DNAJA4: variants seen among roughly 807,000 people sequenced by gnomAD.
The protein encoded by DNAJA4 is dnaJ homolog subfamily A member 4.
DNAJA4 carries 32 observed loss-of-function variants against 39.7 expected under a neutral mutation model. The ratio of observed to expected loss-of-function variants is 0.81; its 90% CI spans 0.61 to 1.08. The LOEUF is 1.08. DNAJA4 is among the 50% of genes least tolerant of loss of function. DNAJA4 has a pLI of 0.00. For missense variants in DNAJA4, 439 were observed against 505.1 expected (o/e 0.87, Z 1.25); for synonymous variants, 184 against 182.4 (o/e 1.01, Z -0.07).
Position 78,281,933 on chromosome 15 carries a change from T to G in DNAJA4, c.*1473T>G, listed in dbSNP as rs1424386384. On this transcript the variant is annotated 3_prime_UTR_variant, in exon 7 of 7. Transcript: ENST00000394852. ...GCCCACCTGTGCCCACTTTGACCAT[T>G]GGTGAGGATAGATATAAAATCACTT... is the stretch of plus-strand genomic sequence containing the variant. 6.6e-6 allele frequency: 1 copy of G among 152,240 alleles called. No homozygotes were observed. The highest frequency in any genetic ancestry group is 1.5e-5 in the Non-Finnish European group (1 of 68,046). 9.4% of individuals were successfully genotyped at this position (152,240 alleles called of 1,614,324 possible).
rs887941803 is a variant in DNAJA4, at chr15:78,275,705, T to C, written c.854T>C (p.Ile285Thr). The C allele has an allele frequency of 1.2e-6, 2 of 1,611,062 alleles. No individual in the cohort carries two copies. Among genetic ancestry groups the C allele is most frequent in the Admixed American group, 3.3e-5 (2 of 59,982 alleles). Reference protein sequence around the residue: ...KKTIKTLDNRILVITSKAGEV... With the variant: ...KKTIKTLDNRTLVITSKAGEV... The stretch of plus-strand genomic sequence containing the variant: ...ACGATAAAAACATTGGACAATCGAA[T>C]TCTTGTTATTACATCCAAAGCAGGT... Residue 285 changes from isoleucine to threonine, a missense_variant, in exon 5 of 7, where the codon ATT (isoleucine) becomes ACT (threonine). Physicochemically the swap from Ile to Thr is moderately conservative, Grantham distance 89. Coordinates refer to ENST00000394852, the MANE Select transcript of DNAJA4 (RefSeq NM_001130182.2).
rs759379540 is a variant in DNAJA4, at chr15:78,264,787, T to C, written c.24T>C (p.Tyr8=). MVKETQY[Y]DILGVKPSAS... ...AGATGGTGAAGGAGACCCAGTACTATGACATCCTGGGCGTGAAGCCCAGCG... is the reference window on the plus strand; with the variant it reads ...AGATGGTGAAGGAGACCCAGTACTACGACATCCTGGGCGTGAAGCCCAGCG... Residue 8 remains tyrosine (Y), a synonymous_variant, in exon 1 of 7, where the codon TAT becomes TAC. Transcript: ENST00000394852. The C allele has an allele frequency of 6.8e-6, 11 of 1,607,462 alleles. No individual in the cohort carries two copies. The highest frequency in any genetic ancestry group is 8.5e-6 in the Non-Finnish European group (10 of 1,176,670).
At position 78,270,615 on chromosome 15, in the gene DNAJA4, C is replaced by T; in HGVS notation, c.251C>T (p.Ser84Leu). 6.2e-7 allele frequency: 1 copy of T among 1,614,236 alleles called. No homozygotes were observed. The highest frequency in any genetic ancestry group is 8.5e-7 in the Non-Finnish European group (1 of 1,180,046). Residue 84 changes from serine (S) to leucine (L), a missense_variant, in exon 2 of 7, where the codon TCA (serine) becomes TTA (leucine). Physicochemically the swap from Ser to Leu is moderately radical, Grantham distance 145. Transcript: ENST00000394852. ...GGCTCAGGCAGCCCCAGCTTCTCTT[C>T]ACCCATGGACATCTTTGACATGTTC... ...EGGSGSPSFS[S>L]PMDIFDMFFG...
intron 1 of DNAJA4, among the ~76,000 whole-genome samples, chr15:78,267,180 GAGTGTGTGTGTGAGTGTGTA>G (rs1567115097): frequency 1.7e-5 from 1 of 57,388 alleles, no homozygotes; most frequent in Non-Finnish European, 3.8e-5. Context: ...GTGAGTGTGT[GAGTGTGTGTGTGAGTGTGTA>G]TGTGAGTGTG....
chr15:78,277,886 G>A (rs1042506173), intron 5 of DNAJA4: 5 of 361,550 alleles, frequency 1.4e-5, no homozygotes, highest in African/African-American at 4.3e-5. Flanking sequence ...GAAACCTGCC[G>A]TTGGAGAGTT....
Position 78,270,323 on chromosome 15 carries a change from A to G in DNAJA4, c.133-174A>G. 3 of 621,352 alleles carry G rather than the reference A, an allele frequency of 4.8e-6. No individual in the cohort carries two copies. In the South Asian group the frequency reaches 6.8e-5, roughly 14 times the overall value. The allele number at this position is 621,352 out of a possible 1,614,324, so 38.5% of individuals were successfully genotyped here. On this transcript the variant is annotated intron_variant, in intron 1 of 6. Transcript: ENST00000394852. ...ATGTTTGCCCTGTGTTTCCCACTTTACCAAAGGAGTAGGTAGACAGGCAAG... is the reference window on the plus strand; with the variant it reads ...ATGTTTGCCCTGTGTTTCCCACTTTGCCAAAGGAGTAGGTAGACAGGCAAG...
intron 2 of DNAJA4, among the ~76,000 whole-genome samples, chr15:78,271,444 C>T (rs536118769): frequency 1.3e-5 from 2 of 152,326 alleles, no homozygotes; most frequent in South Asian, 4.2e-4. Context: ...TAGGTGGGTA[C>T]TCTTGCCATG....
At chr15:78,270,252 CT>C (rs2049257167) in intron 1 of DNAJA4, 1 of 384,204 alleles carries the variant, frequency 2.6e-6, no homozygotes, top group Non-Finnish European at 4.7e-6. Flanking sequence ...TCTCTACTGG[CT>C]TCTCTCCCTT....
chr15:78,265,993 A>G, intron 1 of DNAJA4: 1 of 588,890 alleles, frequency 1.7e-6, no homozygotes, highest in Non-Finnish European at 3.0e-6. Context: ...ATATTTAGCC[A>G]CATGTGCTGA....
chr15:78,274,655 A>C, intron 4 of DNAJA4: 1 of 558,042 alleles, frequency 1.8e-6, no homozygotes, highest in Non-Finnish European at 3.2e-6. Context: ...GAGATCACAG[A>C]CAGCCTCTTT....
At chr15:78,266,125 A>C (rs1015129305) in intron 1 of DNAJA4, 1 of 1,056,520 alleles carries the variant, frequency 9.5e-7, no homozygotes, top group East Asian at 2.5e-5. Context: ...GGCGTTTTAC[A>C]TGGTGCTGGT....
rs1336685501 is a variant in DNAJA4, at chr15:78,265,021, G to T, written c.132+126G>T. The T allele has an allele frequency of 4.2e-6, 5 of 1,184,516 alleles. No individual in the cohort carries two copies. In the African/African-American group the frequency reaches 4.8e-5, roughly 11 times the overall value. The allele number at this position is 1,184,516 out of a possible 1,614,324, so 73.4% of individuals were successfully genotyped here. ...GGAGGCTGTCGCCAGGCGCCTCGGG[G>T]CCAGGCCGGGCAGAGGTGGCGGGAG... On this transcript the variant is annotated intron_variant, in intron 1 of 6. Coordinates refer to ENST00000394852, the MANE Select transcript of DNAJA4 (RefSeq NM_001130182.2).
At position 78,280,292 on chromosome 15, in the gene DNAJA4, G is replaced by C; in HGVS notation, c.1026G>C (p.Gln342His). The change falls in exon 7 of 7, where the codon CAG becomes CAC. Residue 342 changes from glutamine (Q) to histidine (H), a missense_variant. Transcript: ENST00000394852. ...KHWLSLEKLP[Q>H]LEALLPPRQK... ...GGCTTTCTCTGGAAAAGCTTCCTCA[G>C]CTGGAAGCTTTACTCCCTCCTCGAC... 6.2e-7 allele frequency: 1 copy of C among 1,614,176 alleles called. No individual in the cohort carries two copies. Among genetic ancestry groups the C allele is most frequent in the Non-Finnish European group, 8.5e-7 (1 of 1,180,030 alleles).
chr15:78,275,231 G>A (rs1327177648), intron 4 of DNAJA4: 3 of 452,876 alleles, frequency 6.6e-6, no homozygotes, highest in Admixed American at 3.7e-5. Context: ...CAGGCCCTGG[G>A]CAGGGAGTGC....
chr15:78,266,195 A>G (rs2049118200), intron 1 of DNAJA4: 1 of 1,611,040 alleles, frequency 6.2e-7, no homozygotes, highest in Non-Finnish European at 8.5e-7. Context: ...TCCTTTAAGG[A>G]GAGCTTGTAG....
rs771854558 is a variant in DNAJA4 at position 78,274,181 on chromosome 15, TC to T, written c.419-12del. Reference sequence around the variant, plus strand: ...GAAGAGCATGGCCCTCATTCCTGCCTCCCCTGACCCTGCAGGTGTTGGTGGG... The same window carrying T: ...GAAGAGCATGGCCCTCATTCCTGCCTCCCTGACCCTGCAGGTGTTGGTGGG... On this transcript the variant is annotated splice_polypyrimidine_tract_variant and intron_variant, in intron 3 of 6. Coordinates refer to ENST00000394852, the MANE Select transcript of DNAJA4 (RefSeq NM_001130182.2). The T allele has an allele frequency of 3.1e-6, 5 of 1,609,166 alleles. No individual in the cohort carries two copies. Among genetic ancestry groups the T allele is most frequent in the Non-Finnish European group, 4.2e-6 (5 of 1,176,806 alleles).
chr15:78,274,185 C>T lies in DNAJA4; in HGVS notation c.419-12C>T. The T allele has an allele frequency of 6.2e-7, 1 of 1,611,038 alleles. No individual in the cohort carries two copies. Among genetic ancestry groups the T allele is most frequent in the South Asian group, 1.1e-5 (1 of 90,714 alleles). On this transcript the variant is annotated splice_polypyrimidine_tract_variant and intron_variant, in intron 3 of 6. Transcript: ENST00000394852. ...AGCATGGCCCTCATTCCTGCCTCCC[C>T]TGACCCTGCAGGTGTTGGTGGGAAG... is the stretch of plus-strand genomic sequence containing the variant.
In DNAJA4 at chr15:78,264,743, C is replaced by A. The variant is rs766287706; in HGVS notation, c.-21C>A. 7 of 1,397,058 alleles carry A rather than the reference C, an allele frequency of 5.0e-6. No homozygotes were observed. Among genetic ancestry groups the A allele is most frequent in the Non-Finnish European group, 6.5e-6 (7 of 1,075,320 alleles). The allele number at this position is 1,397,058 out of a possible 1,614,324, so 86.5% of individuals were successfully genotyped here. A position where few individuals can be genotyped will look rare whatever the true frequency, so the allele number is the denominator to read the frequency against. On this transcript the variant is annotated 5_prime_UTR_variant, in exon 1 of 7. Coordinates refer to ENST00000394852, the MANE Select transcript of DNAJA4 (RefSeq NM_001130182.2). ...CCGGGGCGCTCTGACCGGCCTCGCC[C>A]GCCCCCCCCGCAGACACAAGATGGT...
At chr15:78,266,713 C>T (rs1318734862) in intron 1 of DNAJA4, among the ~76,000 whole-genome samples, 1 of 152,242 alleles carries the variant, frequency 6.6e-6, no homozygotes, top group African/African-American at 2.4e-5. Flanking sequence ...GTTTGATTAA[C>T]TGTATTCCTT....
Sources: gnomAD v4.1 joint callset for allele counts (sites outside exome capture counted in the v4.1 genomes callset) on GRCh38, gnomAD v4.1.1 for gene constraint, MANE v1.5 for transcripts, NCBI Gene and HGNC (gene_info 2026-07-23, HGNC 2026-07-21) for gene names.